Variants in IMPA1 observed in about 807,000 individuals in gnomAD.
IMPA1 encodes the protein inositol monophosphatase 1.
Under a neutral mutation model 34.9 loss-of-function variants are expected in IMPA1, and 21 were observed. That is an observed-to-expected ratio of 0.60 (90% CI 0.43 to 0.87). IMPA1 has a LOEUF of 0.87. Ranked by LOEUF, IMPA1 falls within the 40% of genes least tolerant of loss-of-function variation. The pLI is 0.00. For missense variants in IMPA1, 299 were observed against 336.4 expected, an observed-to-expected ratio of 0.89 and a Z score of 0.87; for synonymous variants, 95 against 104.4, an observed-to-expected ratio of 0.91 and a Z score of 0.55.
intron 7 of IMPA1, among the ~76,000 whole-genome samples, chr8:81,667,947 C>T (rs778595325): frequency 6.6e-6 from 1 of 151,904 alleles, no homozygotes; most frequent in Non-Finnish European, 1.5e-5. Context: ...CCTCAGCCTC[C>T]GGAGTAGCTG....
At chr8:81,685,456 A>G (rs1049362855) in intron 1 of IMPA1, among the ~76,000 whole-genome samples, 2 of 142,232 alleles carry the variant, frequency 1.4e-5, no homozygotes, top group Non-Finnish European at 3.0e-5. Flanking sequence ...TGTACTATAT[A>G]TAAGTATATA....
At chr8:81,685,870 C>A (rs568031086) in intron 1 of IMPA1, 4 of 1,549,002 alleles carry the variant, frequency 2.6e-6, no homozygotes, top group Non-Finnish European at 3.5e-6. Flanking sequence ...GCCACCTGTC[C>A]CAGCACCGCG....
chr8:81,665,855 C>G (rs1806804256), intron 7 of IMPA1, among the ~76,000 whole-genome samples: 1 of 152,188 alleles, frequency 6.6e-6, no homozygotes, highest in Non-Finnish European at 1.5e-5. Flanking sequence ...TATATCCAGC[C>G]AAGCTGTCCT....
At chr8:81,676,425 C>T in intron 4 of IMPA1, 146 bp from the exon 5 acceptor site, 1 of 467,820 alleles carries the variant, frequency 2.1e-6, no homozygotes, top group Non-Finnish European at 3.9e-6. Flanking sequence ...AGATGCAAAA[C>T]AGTTTGTATG....
At chr8:81,677,994 C>A (rs1483474418) in intron 4 of IMPA1, among the ~76,000 whole-genome samples, 4 of 152,208 alleles carry the variant, frequency 2.6e-5, no homozygotes, top group Non-Finnish European at 4.4e-5. Context: ...TAAGTTCTTA[C>A]ATTAATGTAC....
intron 4 of IMPA1, among the ~76,000 whole-genome samples, chr8:81,676,919 A>G (rs1807149526): frequency 6.6e-6 from 1 of 152,114 alleles, no homozygotes; most frequent in Non-Finnish European, 1.5e-5. Context: ...CCTTGAGCCC[A>G]GAAGGTCAAG....
intron 7 of IMPA1, among the ~76,000 whole-genome samples, chr8:81,668,800 T>C (rs1806907328): frequency 6.6e-6 from 1 of 151,946 alleles, no homozygotes; most frequent in Non-Finnish European, 1.5e-5. Flanking sequence ...CCCGAAGGCA[T>C]TTAAGAGATC....
At chr8:81,660,872 C>A (rs961910706) in intron 7 of IMPA1, among the ~76,000 whole-genome samples, 1 of 151,956 alleles carries the variant, frequency 6.6e-6, no homozygotes, top group Non-Finnish European at 1.5e-5. Context: ...AAAACCCTCA[C>A]AAAGCAATAA....
chr8:81,670,881 G>T (rs79581945), intron 7 of IMPA1, 58 bp downstream of exon 7: 1 of 796,412 alleles, frequency 1.3e-6, no homozygotes, highest in Non-Finnish European at 2.0e-6. Flanking sequence ...AAAAAAAAAG[G>T]TGTGTGCACA....
intron 7 of IMPA1, among the ~76,000 whole-genome samples, chr8:81,667,516 G>C (rs555232390): frequency 6.6e-6 from 1 of 152,202 alleles, no homozygotes; most frequent in Admixed American, 6.5e-5. Context: ...AACAGAAGCG[G>C]CTTTGAAATG....
rs1207840477 is a variant in IMPA1 at position 81,674,900 on chromosome 8, TCTC to T, written c.349-954_349-952del. 3.4e-5 allele frequency: 15 copies of T among 439,278 alleles called. 1 individual carries two copies. The highest frequency in any genetic ancestry group is 2.4e-4 in the South Asian group (15 of 61,464). 27.2% of individuals were successfully genotyped at this position (439,278 alleles called of 1,614,324 possible). On this transcript the variant is annotated intron_variant, in intron 5 of 8. Coordinates refer to ENST00000256108, the MANE Select transcript of IMPA1 (RefSeq NM_005536.4). ...TCACCTCCCATTCCTTCCCCATAAATCTCCTTCAAATTTAATCTCAAAAACACT... is the reference window on the plus strand; with the variant it reads ...TCACCTCCCATTCCTTCCCCATAAATCTTCAAATTTAATCTCAAAAACACT...
At chr8:81,677,331 G>A (rs1214726675) in intron 4 of IMPA1, among the ~76,000 whole-genome samples, 3 of 152,172 alleles carry the variant, frequency 2.0e-5, no homozygotes, top group African/African-American at 7.2e-5. Flanking sequence ...CCGACCTCAG[G>A]TTATCCACCC....
chr8:81,674,000 C>A, intron 5 of IMPA1, 51 bp from the exon 6 acceptor site: 1 of 1,104,918 alleles, frequency 9.1e-7, no homozygotes, highest in Non-Finnish European at 1.4e-6. Context: ...GTTTCATCCA[C>A]TTTTTTCTAA....
intron 1 of IMPA1, chr8:81,685,723 C>A: frequency 8.5e-7 from 1 of 1,182,546 alleles, no homozygotes. Context: ...ATATAAATCA[C>A]AGTACATTTA....
At chr8:81,678,602 G>C in intron 4 of IMPA1, 1 of 174,702 alleles carries the variant, frequency 5.7e-6, no homozygotes. Flanking sequence ...TGAGGCAGAA[G>C]AATCGCTTGA....
In IMPA1 at chr8:81,681,574, T is replaced by C; in HGVS notation, c.-14A>G. 1 of 1,588,154 alleles carries C rather than the reference T, an allele frequency of 6.3e-7. No homozygotes were observed. The highest frequency in any genetic ancestry group is 8.6e-7 in the Non-Finnish European group (1 of 1,156,760). ...AGGATCAGCCATCTTCTGAAAATAT[T>C]TGACAAATATCTGTACAAAGTAGTT... On this transcript the variant is annotated 5_prime_UTR_variant, in exon 2 of 9. Coordinates refer to ENST00000256108, the MANE Select transcript of IMPA1 (RefSeq NM_005536.4).
Position 81,676,275 on chromosome 8 carries a change from GA to G in IMPA1, c.306del (p.Pro103LeufsTer3). 1 of 1,315,812 alleles carries G rather than the reference GA, an allele frequency of 7.6e-7. No individual in the cohort carries two copies. The highest frequency in any genetic ancestry group is 2.6e-5 in the East Asian group (1 of 39,102). 81.5% of individuals were successfully genotyped at this position (1,315,812 alleles called of 1,614,324 possible). A position where few individuals can be genotyped will look rare whatever the true frequency, so the allele number is the denominator to read the frequency against. ...IDGTTNFVHRFPFVAVSIGFA... is the reference protein window; with the variant it reads ...IDGTTNFVHRXPFVAVSIGFA... ...AAGCCAATTGAAACAGCTACAAAAG[GA>G]AATCTTTTTTTAAAAAAAAGGACAA... On this transcript the variant is annotated frameshift_variant, in exon 5 of 9. Transcript: ENST00000256108. LOFTEE classifies it high-confidence loss of function.
chr8:81,661,066 T>C (rs999053183), intron 7 of IMPA1, among the ~76,000 whole-genome samples: 1 of 152,118 alleles, frequency 6.6e-6, no homozygotes, highest in East Asian at 1.9e-4. Context: ...TAAAATATCA[T>C]GGTATGGGTC....
chr8:81,659,332 G>C lies in IMPA1; in HGVS notation c.*19C>G, dbSNP rs928457327. 1.5e-6 allele frequency: 2 copies of C among 1,364,664 alleles called. No individual in the cohort carries two copies. Among genetic ancestry groups the C allele is most frequent in the East Asian group, 2.3e-5 (1 of 43,718 alleles). 84.5% of individuals were successfully genotyped at this position (1,364,664 alleles called of 1,614,324 possible). A position where few individuals can be genotyped will look rare whatever the true frequency, so the allele number is the denominator to read the frequency against. ...AATCTGGGGAAAAGCAACTGGGATT[G>C]ACTATGAGGCTGCCTTAATTAATCT... On this transcript the variant is annotated 3_prime_UTR_variant, in exon 9 of 9. Coordinates refer to ENST00000256108, the MANE Select transcript of IMPA1 (RefSeq NM_005536.4).
Sources: allele counts gnomAD v4.1 joint callset (sites outside exome capture counted in the v4.1 genomes callset), GRCh38; gene constraint gnomAD v4.1.1; transcripts MANE v1.5; gene names NCBI Gene and HGNC (gene_info 2026-07-23, HGNC 2026-07-21).